Variants in CDH9 observed in about 807,000 individuals in gnomAD.
CDH9 encodes the protein cadherin 9.
A neutral mutation model predicts 70.9 loss-of-function variants in CDH9; 28 were observed. That is an observed-to-expected ratio of 0.40 (90% confidence interval 0.29 to 0.54). The LOEUF (loss-of-function observed/expected upper bound fraction) is 0.54. Among genes scored for constraint, CDH9 ranks in the 20% least tolerant of loss-of-function variants. The probability of loss-of-function intolerance (pLI) is 0.59; values close to 1 mark genes in which losing one functional copy is unlikely to be tolerated. For synonymous variants in CDH9, 409 were observed against 343.1 expected (o/e 1.19, Z -2.12); for missense variants, 874 against 984.4 (o/e 0.89, Z 1.50).
intron 3 of CDH9, among the ~76,000 whole-genome samples, chr5:26,908,582 T>G (rs1432867382): frequency 6.6e-6 from 1 of 152,176 alleles, no homozygotes; most frequent in East Asian, 1.9e-4. Flanking sequence ...AAAACAATCT[T>G]TTATGTTTAT....
intron 3 of CDH9, among the ~76,000 whole-genome samples, chr5:26,912,657 C>T (rs1194241684): frequency 6.6e-6 from 1 of 151,644 alleles, no homozygotes; most frequent in East Asian, 1.9e-4. Context: ...GAGTTACTCA[C>T]GATTGAATAA....
chr5:26,885,040 T>G (rs1346863325), intron 11 of CDH9, among the ~76,000 whole-genome samples: 1 of 152,350 alleles, frequency 6.6e-6, no homozygotes, highest in South Asian at 2.1e-4. Flanking sequence ...GGAAAATGTC[T>G]AACTTACTGT....
At chr5:27,031,047 C>T (rs746388322) in intron 1 of CDH9, among the ~76,000 whole-genome samples, 31 of 151,200 alleles carry the variant, frequency 2.1e-4, no homozygotes, top group Middle Eastern at 3.9e-3. Context: ...TTATTTAATA[C>T]GTTTAAATTT....
In CDH9 at chr5:26,881,377, A is replaced by G; in HGVS notation, c.2129T>C (p.Ile710Thr). 1 of 1,613,700 alleles carries G rather than the reference A, an allele frequency of 6.2e-7. No individual in the cohort carries two copies. The highest frequency in any genetic ancestry group is 8.5e-7 in the Non-Finnish European group (1 of 1,179,748). Residue 710 changes from isoleucine to threonine, a missense_variant, in exon 12 of 12, where the codon ATT becomes ACT. Transcript: ENST00000231021. ...TCGATGGATAAAATCTTGTACATCA[A>G]TATTTTCCCACAGAGGCACAGTCCT... ...IRRTVPLWEN[I>T]DVQDFIHRRL...
intron 2 of CDH9, among the ~76,000 whole-genome samples, chr5:26,983,108 C>G (rs1342698161): frequency 6.6e-6 from 1 of 151,990 alleles, no homozygotes; most frequent in Non-Finnish European, 1.5e-5. Context: ...TGAACAACAA[C>G]AACAACAACA....
chr5:26,930,457 A>T (rs1043256234), intron 2 of CDH9, among the ~76,000 whole-genome samples: 3 of 152,086 alleles, frequency 2.0e-5, no homozygotes, highest in African/African-American at 7.2e-5. Flanking sequence ...CCCTTCATAT[A>T]TTTGGGTTTC....
At chr5:26,983,265 G>A (rs1742432523) in intron 2 of CDH9, among the ~76,000 whole-genome samples, 1 of 152,142 alleles carries the variant, frequency 6.6e-6, no homozygotes, top group Non-Finnish European at 1.5e-5. Flanking sequence ...ATAGAACATA[G>A]GCTGGAATTT....
intron 2 of CDH9, among the ~76,000 whole-genome samples, chr5:26,983,293 C>G (rs1454002175): frequency 2.6e-5 from 4 of 152,080 alleles, no homozygotes; most frequent in Admixed American, 6.6e-5. Flanking sequence ...TACTAACGGA[C>G]AATTTGAATT....
In CDH9 at chr5:27,001,840, A is replaced by T. The variant is rs1039658854; in HGVS notation, c.-49-13458T>A. 3.6e-3 allele frequency among the ~76,000 whole-genome samples: 450 copies of T among 123,434 alleles called. 1 individual carries two copies. The highest frequency in any genetic ancestry group is 0.015 in the African/African-American group (405 of 27,606). 81.0% of individuals were successfully genotyped at this position (123,434 alleles called of 152,430 possible). On this transcript the variant is annotated intron_variant, in intron 1 of 11. Transcript: ENST00000231021. ...AGCAGTGCTTAACATACACACACAC[A>T]CACACTCTCTCTCTCTCTCTCTCTC...
intron 1 of CDH9, among the ~76,000 whole-genome samples, chr5:27,027,889 T>A (rs1340058449): frequency 1.3e-5 from 2 of 152,096 alleles, no homozygotes; most frequent in Non-Finnish European, 2.9e-5. Context: ...TTTCAATTTA[T>A]GAACTGTTAA....
chr5:27,000,214 G>A (rs951489998), intron 1 of CDH9, among the ~76,000 whole-genome samples: 1 of 151,950 alleles, frequency 6.6e-6, no homozygotes, highest in Admixed American at 6.6e-5. Flanking sequence ...CAAAAGTTCT[G>A]CAAAGATATC....
At chr5:26,891,897 G>A (rs543940714) in intron 7 of CDH9, among the ~76,000 whole-genome samples, 19 of 152,228 alleles carry the variant, frequency 1.2e-4, no homozygotes, top group African/African-American at 4.6e-4. Context: ...CATCCAGCAA[G>A]GAAACAGGGG....
chr5:26,941,795 C>T (rs575310719), intron 2 of CDH9, among the ~76,000 whole-genome samples: 2 of 152,148 alleles, frequency 1.3e-5, no homozygotes, highest in African/African-American at 4.8e-5. Context: ...TTGCTTATAA[C>T]GGTCAAGGAA....
At chr5:26,919,062 A>G (rs888879702) in intron 2 of CDH9, among the ~76,000 whole-genome samples, 4 of 152,202 alleles carry the variant, frequency 2.6e-5, no homozygotes, top group Non-Finnish European at 4.4e-5. Context: ...CCACAGGAAC[A>G]TCAGATTGAA....
chr5:27,009,987 G>T (rs1053744989), intron 1 of CDH9, among the ~76,000 whole-genome samples: 3 of 151,922 alleles, frequency 2.0e-5, no homozygotes, highest in African/African-American at 7.2e-5. Context: ...CCAATTAAAA[G>T]GATTTACTGG....
At chr5:26,897,464 A>C (rs1027484315) in intron 7 of CDH9, among the ~76,000 whole-genome samples, 3 of 152,210 alleles carry the variant, frequency 2.0e-5, no homozygotes, top group Non-Finnish European at 4.4e-5. Flanking sequence ...CAAAAAGCTT[A>C]TCAACCACGA....
chr5:27,037,354 T>A (rs1743411579), intron 1 of CDH9, among the ~76,000 whole-genome samples: 1 of 151,864 alleles, frequency 6.6e-6, no homozygotes, highest in South Asian at 2.1e-4. Context: ...TGACAACACA[T>A]CTCCAGAGAA....
chr5:26,947,536 T>C (rs1011347854), intron 2 of CDH9, among the ~76,000 whole-genome samples: 1 of 152,178 alleles, frequency 6.6e-6, no homozygotes, highest in African/African-American at 2.4e-5. Context: ...GCTTTATGTA[T>C]AGCTTATTCA....
At chr5:26,938,286 A>G (rs1206874949) in intron 2 of CDH9, among the ~76,000 whole-genome samples, 1 of 151,680 alleles carries the variant, frequency 6.6e-6, no homozygotes, top group Non-Finnish European at 1.5e-5. Context: ...ATTATCTATT[A>G]TATATATTTA....
Sources: allele counts gnomAD v4.1 joint callset (sites outside exome capture counted in the v4.1 genomes callset), GRCh38; gene constraint gnomAD v4.1.1; transcripts MANE v1.5; gene names NCBI Gene and HGNC (gene_info 2026-07-23, HGNC 2026-07-21).